The following TANC2 variants were observed in gnomAD, a reference collection of about 807,000 sequenced individuals.
TANC2 encodes the protein protein TANC2.
A neutral mutation model predicts 210.5 loss-of-function variants in TANC2; 26 were observed. The ratio of observed to expected loss-of-function variants is 0.12; its 90% confidence interval spans 0.09 to 0.17. The LOEUF is 0.17. Ranked by LOEUF, TANC2 falls within the 10% of genes least tolerant of loss-of-function variation. TANC2 has a pLI of 1.00. For missense variants in TANC2, 2,129 were observed against 2,608.9 expected (o/e 0.82, Z 4.01); for synonymous variants, 931 against 967.1 (o/e 0.96, Z 0.69).
intron 8 of TANC2, among the ~76,000 whole-genome samples, chr17:63,261,633 A>G (rs1367134584): frequency 6.6e-6 from 1 of 152,200 alleles, no homozygotes; most frequent in Non-Finnish European, 1.5e-5. Context: ...TGAACTGCCA[A>G]TGCTTGGCTG....
At chr17:63,077,144 G>A (rs12603673) in intron 3 of TANC2, among the ~76,000 whole-genome samples, 45 of 152,236 alleles carry the variant, frequency 3.0e-4, no homozygotes, top group African/African-American at 8.9e-4. Flanking sequence ...ATGCTTCTGG[G>A]GGGTGGGAGG....
At chr17:63,041,992 T>C (rs1446842639) in intron 2 of TANC2, among the ~76,000 whole-genome samples, 1 of 152,210 alleles carries the variant, frequency 6.6e-6, no homozygotes, top group Non-Finnish European at 1.5e-5. Context: ...TGCTGTCTGC[T>C]AGCTATTAGA....
intron 7 of TANC2, among the ~76,000 whole-genome samples, chr17:63,205,838 G>T (rs1323365056): frequency 6.6e-6 from 1 of 152,082 alleles, no homozygotes; most frequent in South Asian, 2.1e-4. Context: ...AAGCCGGGAA[G>T]CAGAGGTGGC....
At chr17:62,995,629 A>G (rs1192739569) in intron 1 of TANC2, among the ~76,000 whole-genome samples, 3 of 152,234 alleles carry the variant, frequency 2.0e-5, no homozygotes, top group African/African-American at 7.2e-5. Context: ...TAATTGAAGC[A>G]GTGCTTGTAC....
chr17:62,996,606 A>G (rs993684368), intron 1 of TANC2, among the ~76,000 whole-genome samples: 2 of 152,126 alleles, frequency 1.3e-5, no homozygotes, highest in Admixed American at 6.5e-5. Flanking sequence ...AAACTCGTTT[A>G]AATTTAATTT....
At chr17:63,074,939 A>G (rs1022216889) in intron 3 of TANC2, among the ~76,000 whole-genome samples, 1 of 152,170 alleles carries the variant, frequency 6.6e-6, no homozygotes, top group African/African-American at 2.4e-5. Context: ...CTTCAGATTT[A>G]TTTATTCTAT....
chr17:63,208,588 C>T (rs1308192261), intron 7 of TANC2, among the ~76,000 whole-genome samples: 1 of 152,126 alleles, frequency 6.6e-6, no homozygotes, highest in Non-Finnish European at 1.5e-5. Flanking sequence ...TGCATTGAAA[C>T]CATAGATCAA....
At chr17:63,220,239 G>A (rs1475196337) in intron 7 of TANC2, among the ~76,000 whole-genome samples, 1 of 151,830 alleles carries the variant, frequency 6.6e-6, no homozygotes, top group African/African-American at 2.4e-5. Flanking sequence ...AGGTTGCAGG[G>A]AGCCAAGATC....
intron 10 of TANC2, among the ~76,000 whole-genome samples, chr17:63,316,954 A>C (rs1216174780): frequency 1.0e-5 from 1 of 99,776 alleles, no homozygotes; most frequent in Non-Finnish European, 1.9e-5. Flanking sequence ...TAAGTTATTA[A>C]TATAAGTTAT....
intron 3 of TANC2, among the ~76,000 whole-genome samples, chr17:63,075,284 T>C (rs1365333555): frequency 6.6e-6 from 1 of 152,186 alleles, no homozygotes; most frequent in Non-Finnish European, 1.5e-5. Flanking sequence ...TGAAATCACT[T>C]ATCTAATTTA....
intron 11 of TANC2, among the ~76,000 whole-genome samples, chr17:63,327,013 G>C (rs1410690994): frequency 1.3e-5 from 2 of 151,940 alleles, no homozygotes; most frequent in Non-Finnish European, 2.9e-5. Context: ...AATATAAAAG[G>C]AACTCAGACA....
At chr17:63,212,465 G>T (rs2041915505) in intron 7 of TANC2, among the ~76,000 whole-genome samples, 1 of 152,072 alleles carries the variant, frequency 6.6e-6, no homozygotes, top group African/African-American at 2.4e-5. Context: ...GAAATACCTA[G>T]GTGGAAAGAC....
chr17:63,052,062 T>C (rs555248594), intron 2 of TANC2, among the ~76,000 whole-genome samples: 2 of 152,298 alleles, frequency 1.3e-5, no homozygotes, highest in South Asian at 4.1e-4. Flanking sequence ...GAGAAGTTCT[T>C]TCTGGTAGGC....
rs141324588 is a variant in TANC2 at position 63,205,291 on chromosome 17, C to G, written c.769+4334C>G. 2.2e-3 allele frequency among the ~76,000 whole-genome samples: 242 copies of G among 107,668 alleles called. 2 individuals carry two copies. Among genetic ancestry groups the G allele is most frequent in the African/African-American group, 9.0e-3 (232 of 25,886 alleles). 70.6% of individuals were successfully genotyped at this position (107,668 alleles called of 152,430 possible). A position where few individuals can be genotyped will look rare whatever the true frequency, so the allele number is the denominator to read the frequency against. On this transcript the variant is annotated intron_variant, in intron 7 of 27. Coordinates refer to ENST00000689528, the Ensembl canonical transcript of TANC2. ...TACAAAAATTAAAATGGATTAAAGACCTAAACATAGTAGTTAAAAACTGTA... is the reference window on the plus strand; with the variant it reads ...TACAAAAATTAAAATGGATTAAAGAGCTAAACATAGTAGTTAAAAACTGTA...
At chr17:63,184,563 T>C (rs1020467094) in intron 5 of TANC2, among the ~76,000 whole-genome samples, 1 of 151,950 alleles carries the variant, frequency 6.6e-6, no homozygotes. Flanking sequence ...ATCCTCCCCT[T>C]ACAAACATAC....
chr17:62,988,295 C>CTTTTTTT (rs59386058), intron 1 of TANC2, among the ~76,000 whole-genome samples: 1 of 111,734 alleles, frequency 8.9e-6, no homozygotes, highest in African/African-American at 3.7e-5. Context: ...ACCTGGCTAA[C>CTTTTTTT]TTTTTTTTTT....
At chr17:63,105,779 AAG>A (rs1234023088) in intron 4 of TANC2, among the ~76,000 whole-genome samples, 2 of 151,654 alleles carry the variant, frequency 1.3e-5, no homozygotes, top group East Asian at 3.8e-4. Flanking sequence ...CTCTATAGTC[AAG>A]ATTTATTTCA....
chr17:63,048,331 T>C (rs1336664005), intron 2 of TANC2, among the ~76,000 whole-genome samples: 1 of 152,216 alleles, frequency 6.6e-6, no homozygotes, highest in Non-Finnish European at 1.5e-5. Flanking sequence ...ACACCTTATT[T>C]GTTTTTTGGA....
At chr17:63,359,934 G>T (rs1296602859) in intron 14 of TANC2, among the ~76,000 whole-genome samples, 1 of 152,204 alleles carries the variant, frequency 6.6e-6, no homozygotes, top group Non-Finnish European at 1.5e-5. Context: ...TAAGTGGTTT[G>T]TCGAGGTTTT....
Sources: allele counts gnomAD v4.1 joint callset (sites outside exome capture counted in the v4.1 genomes callset), GRCh38; gene constraint gnomAD v4.1.1; transcripts MANE v1.5; gene names NCBI Gene and HGNC (gene_info 2026-07-23, HGNC 2026-07-21).